Variants in RAI1 observed in about 807,000 individuals in gnomAD.
The protein encoded by RAI1 is retinoic acid-induced protein 1.
In RAI1, 9 loss-of-function variants were observed where a neutral mutation model predicts 123.8. That is an observed-to-expected ratio of 0.07 (90% confidence interval 0.04 to 0.13). The LOEUF (loss-of-function observed/expected upper bound fraction) is 0.13. Among genes scored for constraint, RAI1 ranks in the 10% least tolerant of loss-of-function variants. The pLI is 1.00. For missense variants in RAI1, 2,256 were observed against 2,545.8 expected, an observed-to-expected ratio of 0.89 and a Z score of 2.45; for synonymous variants, 1,231 against 1,127.3, an observed-to-expected ratio of 1.09 and a Z score of -1.84.
intron 1 of RAI1, among the ~76,000 whole-genome samples, chr17:17,700,392 C>T (rs1489253373): frequency 4.6e-5 from 7 of 151,740 alleles, no homozygotes; most frequent in Non-Finnish European, 1.0e-4. Flanking sequence ...GCTCCCGGCT[C>T]GGGGCTCCAG....
chr17:17,810,231 C>G lies in RAI1; in HGVS notation c.*250C>G. On this transcript the variant is annotated 3_prime_UTR_variant, in exon 6 of 6. Transcript: ENST00000353383. This position sits in a 1 kb window ranked among gnomAD's most constrained non-coding sequence, Gnocchi z 4.6. ...CCGGACGGCACAGGGCGTTCTTGCC[C>G]ACCCCAGGGGCCAGGCTTGCGGAGG... The G allele has an allele frequency of 1.8e-6, 1 of 570,796 alleles. No homozygotes were observed. Among genetic ancestry groups the G allele is most frequent in the South Asian group, 2.3e-5 (1 of 42,710 alleles). The allele number at this position is 570,796 out of a possible 1,614,324, so 35.4% of individuals were successfully genotyped here.
chr17:17,737,310 G>A (rs1481254522), intron 2 of RAI1, among the ~76,000 whole-genome samples: 3 of 152,262 alleles, frequency 2.0e-5, no homozygotes, highest in South Asian at 2.1e-4. Context: ...GACCCCACCT[G>A]TGGTCCTTGT....
At chr17:17,789,097 C>G (rs2031926908) in intron 2 of RAI1, among the ~76,000 whole-genome samples, 2 of 152,240 alleles carry the variant, frequency 1.3e-5, no homozygotes, top group African/African-American at 4.8e-5. Context: ...CCTTGCCCCA[C>G]AGCAGCTTTG....
At chr17:17,773,735 C>T (rs1383896185) in intron 2 of RAI1, among the ~76,000 whole-genome samples, 1 of 152,102 alleles carries the variant, frequency 6.6e-6, no homozygotes, top group East Asian at 1.9e-4. Flanking sequence ...GAAAGAGCAG[C>T]TTCTGCTGCA....
chr17:17,722,234 T>C (rs1444732836), intron 1 of RAI1, among the ~76,000 whole-genome samples: 1 of 152,010 alleles, frequency 6.6e-6, no homozygotes, highest in Non-Finnish European at 1.5e-5. Context: ...CGTGGATGGA[T>C]AGAAAGGTGG....
intron 2 of RAI1, chr17:17,778,756 G>C (rs1470852798): frequency 4.4e-6 from 2 of 456,732 alleles, no homozygotes; most frequent in Admixed American, 2.3e-5. Flanking sequence ...CCGCCAAGAG[G>C]GATTCTCCTA....
Position 17,794,163 on chromosome 17 carries a change from C to G in RAI1, c.1215C>G (p.Ser405Arg). 2 of 1,613,952 alleles carry G rather than the reference C, an allele frequency of 1.2e-6. No homozygotes were observed. Among genetic ancestry groups the G allele is most frequent in the African/African-American group, 2.7e-5 (2 of 75,068 alleles). The change falls in exon 3 of 6, where the codon AGC becomes AGG. Residue 405 changes from serine (S) to arginine (R), a missense_variant. Physicochemically the swap from Ser to Arg is moderately radical, Grantham distance 110. Transcript: ENST00000353383. ...LLNPSPTDATSSVDTQAGNCK... is the reference protein window; with the variant it reads ...LLNPSPTDATRSVDTQAGNCK... ...ATCCCTCCCCAACGGATGCCACCAGCTCTGTGGACACCCAGGCTGGCAACT... is the reference window on the plus strand; with the variant it reads ...ATCCCTCCCCAACGGATGCCACCAGGTCTGTGGACACCCAGGCTGGCAACT...
chr17:17,778,864 A>T (rs1046676207), intron 2 of RAI1: 8 of 456,650 alleles, frequency 1.8e-5, no homozygotes, highest in Non-Finnish European at 3.5e-5. Context: ...CTAGAAGCCA[A>T]GAGGGAGGGA....
chr17:17,703,830 C>T (rs1915309248), intron 1 of RAI1, among the ~76,000 whole-genome samples: 1 of 152,204 alleles, frequency 6.6e-6, no homozygotes, highest in South Asian at 2.1e-4. Flanking sequence ...ACTCCACCAA[C>T]CCCTTTTCTT....
At chr17:17,699,634 G>GT (rs993470665) in intron 1 of RAI1, among the ~76,000 whole-genome samples, 2 of 149,710 alleles carry the variant, frequency 1.3e-5, no homozygotes, top group African/African-American at 2.4e-5. Flanking sequence ...GGGGCCGGGG[G>GT]GGGGGGAATC....
chr17:17,768,780 G>A (rs1433238776), intron 2 of RAI1, among the ~76,000 whole-genome samples: 1 of 152,234 alleles, frequency 6.6e-6, no homozygotes, highest in Non-Finnish European at 1.5e-5. Context: ...GGAGGGGGAG[G>A]AGGTTCAGAC....
At chr17:17,724,996 C>CA (rs1168101722) in intron 2 of RAI1, among the ~76,000 whole-genome samples, 3 of 2,156 alleles carry the variant, frequency 1.4e-3, no homozygotes, top group African/African-American at 7.4e-3. Context: ...GCACCTCTGC[C>CA]GGGGGGAGTG....
At position 17,733,731 on chromosome 17, in the gene RAI1, CT is replaced by C. The variant is rs1916338436; in HGVS notation, c.-17+9573del. ...CTTTCTCTGGCACATTTTTTAAATG[CT>C]CCTTTAGTTAATATGCAGGAGGGAT... On this transcript the variant is annotated intron_variant, in intron 2 of 5. Transcript: ENST00000353383. 2.0e-5 allele frequency among the ~76,000 whole-genome samples: 3 copies of C among 152,304 alleles called. No individual in the cohort carries two copies. The South Asian group carries it at 6.2e-4, about 32-fold the overall frequency.
chr17:17,684,337 CTTT>C (rs1914547536), intron 1 of RAI1: 1 of 151,868 alleles, frequency 6.6e-6, no homozygotes, highest in Admixed American at 6.6e-5. Context: ...GTCTGTAATC[CTTT>C]TTGTTCTTGT....
At chr17:17,698,250 G>A (rs1259136912) in intron 1 of RAI1, among the ~76,000 whole-genome samples, 2 of 152,190 alleles carry the variant, frequency 1.3e-5, no homozygotes, top group African/African-American at 2.4e-5. Flanking sequence ...TCTCACACAC[G>A]GGCTTCTGGG....
At chr17:17,701,860 C>A (rs1046145342) in intron 1 of RAI1, among the ~76,000 whole-genome samples, 1 of 152,222 alleles carries the variant, frequency 6.6e-6, no homozygotes, top group Non-Finnish European at 1.5e-5. Flanking sequence ...GGAGGCCACC[C>A]AGCCCTGGTC....
intron 1 of RAI1, among the ~76,000 whole-genome samples, chr17:17,716,600 C>G (rs1915721683): frequency 6.6e-6 from 1 of 152,062 alleles, no homozygotes; most frequent in Non-Finnish European, 1.5e-5. Flanking sequence ...GTGTGTGGTG[C>G]CTGTGTGTCT....
In RAI1 at chr17:17,810,848, G is replaced by T; in HGVS notation, c.*867G>T. On this transcript the variant is annotated 3_prime_UTR_variant, in exon 6 of 6. Coordinates refer to ENST00000353383, the MANE Select transcript of RAI1 (RefSeq NM_030665.4). This position sits in a 1 kb window ranked among gnomAD's most constrained non-coding sequence, Gnocchi z 4.6. ...GTTGTGCACCACCAGGGACCGCCGC[G>T]CCTACTCTGCACGGGAGCAGGGACA... The T allele has an allele frequency of 2.2e-6, 1 of 451,588 alleles. No homozygotes were observed. Among genetic ancestry groups the T allele is most frequent in the Non-Finnish European group, 4.5e-6 (1 of 223,150 alleles). 28.0% of individuals were successfully genotyped at this position (451,588 alleles called of 1,614,324 possible). A position where few individuals can be genotyped will look rare whatever the true frequency, so the allele number is the denominator to read the frequency against.
chr17:17,789,617 T>C (rs748287113), intron 2 of RAI1, among the ~76,000 whole-genome samples: 3 of 152,122 alleles, frequency 2.0e-5, no homozygotes, highest in Non-Finnish European at 4.4e-5. Flanking sequence ...CAGCTCATGC[T>C]CCCTGCTGTG....
Sources: gnomAD v4.1 joint callset for allele counts (sites outside exome capture counted in the v4.1 genomes callset) on GRCh38, gnomAD v4.1.1 for gene constraint, Gnocchi (gnomAD v3.1) non-coding constraint, MANE v1.5 for transcripts, NCBI Gene and HGNC (gene_info 2026-07-23, HGNC 2026-07-21) for gene names.